The following TFPI variants were observed in gnomAD, a reference collection of about 807,000 sequenced individuals.
The protein encoded by TFPI is anti-convertin.
In TFPI, 15 loss-of-function variants were observed where a neutral mutation model predicts 34.6. The observed-to-expected ratio is 0.43, with a 90% CI of 0.29 to 0.67. TFPI has a LOEUF of 0.67. Among genes scored for constraint, TFPI ranks in the 30% least tolerant of loss-of-function variants. TFPI has a pLI of 0.15. For synonymous variants in TFPI, 105 were observed against 120.1 expected, an observed-to-expected ratio of 0.87 and a Z score of 0.82; for missense variants, 301 against 364.0, an observed-to-expected ratio of 0.83 and a Z score of 1.41.
intron 2 of TFPI, 108 bp downstream of exon 2, chr2:187,503,540 T>G: frequency 7.4e-7 from 1 of 1,350,690 alleles, no homozygotes. Flanking sequence ...AAAATATCAC[T>G]TCAATAACAA....
intron 1 of TFPI, chr2:187,527,164 A>G (rs924580718): frequency 6.6e-6 from 1 of 152,236 alleles, no homozygotes; most frequent in Non-Finnish European, 1.5e-5. Context: ...GAATAAAACT[A>G]TGTTGGAGGA....
intron 1 of TFPI, among the ~76,000 whole-genome samples, chr2:187,537,157 T>A (rs888929791): frequency 6.6e-6 from 1 of 152,242 alleles, no homozygotes; most frequent in Non-Finnish European, 1.5e-5. Flanking sequence ...ATAGCCATAC[T>A]GTCCTAAGTA....
chr2:187,478,977 C>T (rs367615991), intron 6 of TFPI, among the ~76,000 whole-genome samples: 1 of 151,928 alleles, frequency 6.6e-6, no homozygotes, highest in Non-Finnish European at 1.5e-5. Context: ...TCTAATAGTA[C>T]AAGTATTGAA....
intron 1 of TFPI, among the ~76,000 whole-genome samples, chr2:187,528,466 T>C (rs1423481178): frequency 6.6e-6 from 1 of 152,206 alleles, no homozygotes; most frequent in Admixed American, 6.5e-5. Context: ...GAGCAAACCC[T>C]GTTTTATTTC....
intron 1 of TFPI, among the ~76,000 whole-genome samples, chr2:187,509,259 T>C (rs866672212): frequency 2.6e-5 from 4 of 152,174 alleles, no homozygotes; most frequent in African/African-American, 9.7e-5. Flanking sequence ...GAAATGTTCT[T>C]TTTTGTTGTT....
At chr2:187,475,436 A>C (rs1692315337) in intron 6 of TFPI, among the ~76,000 whole-genome samples, 1 of 152,204 alleles carries the variant, frequency 6.6e-6, no homozygotes. Flanking sequence ...TCAATAACAA[A>C]ATGTATACAA....
Position 187,503,770 on chromosome 2 carries a change from T to A in TFPI, c.-2A>T, listed in dbSNP as rs8176415. ...TACTTTCTTCATTGTGTAAATCATC[T>A]CTGAAATACAGAACCCATACATATC... is the stretch of plus-strand genomic sequence containing the variant. On this transcript the variant is annotated splice_region_variant and 5_prime_UTR_variant, in exon 2 of 8. Coordinates refer to ENST00000233156, the MANE Select transcript of TFPI (RefSeq NM_006287.6). 1.2e-4 allele frequency: 193 copies of A among 1,612,218 alleles called. No individual in the cohort carries two copies. In the African/African-American group the frequency reaches 2.2e-3, roughly 19 times the overall value.
rs537524443 is a variant in TFPI at position 187,484,285 on chromosome 2, G to A, written c.536-69C>T. The A allele has an allele frequency of 9.5e-5, 127 of 1,340,224 alleles. 1 individual carries two copies. In the Admixed American group the frequency reaches 1.5e-3, roughly 15 times the overall value. 83.0% of individuals were successfully genotyped at this position (1,340,224 alleles called of 1,614,324 possible). The stretch of plus-strand genomic sequence containing the variant: ...AATCTCATATTTGGACTCATGAAGC[G>A]TACAACAGTTAAAAAAGCAGACTTC... On this transcript the variant is annotated intron_variant, in intron 5 of 7. Coordinates refer to ENST00000233156, the MANE Select transcript of TFPI (RefSeq NM_006287.6).
chr2:187,548,042 TA>T (rs1688959834), intron 1 of TFPI, among the ~76,000 whole-genome samples: 1 of 151,948 alleles, frequency 6.6e-6, no homozygotes, highest in Admixed American at 6.6e-5. Context: ...GATTAATATA[TA>T]AAAAATATAT....
intron 3 of TFPI, among the ~76,000 whole-genome samples, chr2:187,488,794 C>A (rs1421883995): frequency 6.6e-6 from 1 of 151,382 alleles, no homozygotes; most frequent in East Asian, 1.9e-4. Context: ...AGAATTATTT[C>A]CTTTCCTTAT....
chr2:187,471,099 T>C (rs576646922), intron 6 of TFPI, among the ~76,000 whole-genome samples: 1 of 152,322 alleles, frequency 6.6e-6, no homozygotes, highest in African/African-American at 2.4e-5. Flanking sequence ...TGTAATTAAC[T>C]TTTAGAGGTT....
intron 3 of TFPI, among the ~76,000 whole-genome samples, chr2:187,492,511 G>T (rs1464718972): frequency 6.6e-6 from 1 of 152,190 alleles, no homozygotes; most frequent in Non-Finnish European, 1.5e-5. Flanking sequence ...TTTTGTCAAA[G>T]AACAGTTGGC....
chr2:187,480,563 A>G (rs1040005728), intron 6 of TFPI, among the ~76,000 whole-genome samples: 4 of 152,158 alleles, frequency 2.6e-5, no homozygotes, highest in African/African-American at 9.7e-5. Context: ...CTGCTATATC[A>G]TTATTTCAAT....
At chr2:187,486,428 C>A (rs1354042901) in intron 4 of TFPI, among the ~76,000 whole-genome samples, 4 of 151,324 alleles carry the variant, frequency 2.6e-5, no homozygotes, top group African/African-American at 7.3e-5. Context: ...AAAAATTATG[C>A]TGATAAGTAT....
chr2:187,488,229 C>T, intron 4 of TFPI, 108 bp downstream of exon 4: 3 of 800,632 alleles, frequency 3.7e-6, no homozygotes, highest in South Asian at 3.8e-5. Flanking sequence ...AATTGAATAT[C>T]TATACTGAAT....
intron 3 of TFPI, among the ~76,000 whole-genome samples, chr2:187,489,452 C>G (rs185143449): frequency 2.0e-5 from 3 of 151,298 alleles, no homozygotes; most frequent in Admixed American, 6.6e-5. Flanking sequence ...TTTGTTTTCA[C>G]TGCAACTAAC....
At chr2:187,542,866 C>CAAA (rs11393601) in intron 1 of TFPI, among the ~76,000 whole-genome samples, 1,576 of 121,602 alleles carry the variant, frequency 0.013, 39 homozygotes, top group African/African-American at 0.047. Context: ...GACTTAGTCT[C>CAAA]AAAAAAAAAA....
intron 4 of TFPI, among the ~76,000 whole-genome samples, 154 bp downstream of exon 4, chr2:187,488,183 A>G (rs975108432): frequency 6.6e-6 from 1 of 151,334 alleles, no homozygotes; most frequent in Admixed American, 6.6e-5. Context: ...AATCTCTTTT[A>G]TGGATTTTTT....
intron 1 of TFPI, among the ~76,000 whole-genome samples, chr2:187,525,519 G>A (rs1687632837): frequency 1.3e-5 from 2 of 151,948 alleles, no homozygotes; most frequent in African/African-American, 4.8e-5. Context: ...TGGTTAAGAA[G>A]AGGGGGTTTG....
Sources: gnomAD v4.1 joint callset for allele counts (sites outside exome capture counted in the v4.1 genomes callset) on GRCh38, gnomAD v4.1.1 for gene constraint, MANE v1.5 for transcripts, NCBI Gene and HGNC (gene_info 2026-07-23, HGNC 2026-07-21) for gene names.